Variants in KLF12 observed in about 807,000 individuals in gnomAD.
The protein encoded by KLF12 is KLF transcription factor 12, also known as Krueppel-like factor 12.
KLF12 carries 9 observed loss-of-function variants against 37.8 expected under a neutral mutation model. The ratio of observed to expected loss-of-function variants is 0.24; its 90% confidence interval spans 0.14 to 0.42. The LOEUF (loss-of-function observed/expected upper bound fraction) is 0.42, where lower values mean the gene tolerates loss of function less well. KLF12 is among the 10% of genes least tolerant of loss of function. The probability of loss-of-function intolerance (pLI) is 1.00; values close to 1 mark genes in which losing one functional copy is unlikely to be tolerated. For synonymous variants in KLF12, 208 were observed against 202.1 expected (o/e 1.03, Z -0.25); for missense variants, 411 against 516.0 (o/e 0.80, Z 1.97).
At chr13:73,856,994 T>C (rs1427704201) in intron 3 of KLF12, among the ~76,000 whole-genome samples, 1 of 151,614 alleles carries the variant, frequency 6.6e-6, no homozygotes, top group Non-Finnish European at 1.5e-5. Flanking sequence ...TCTCAAAAAA[T>C]AAAATAAGAT....
intron 7 of KLF12, among the ~76,000 whole-genome samples, chr13:73,698,690 C>T (rs767914194): frequency 3.3e-5 from 5 of 152,180 alleles, no homozygotes; most frequent in Non-Finnish European, 7.4e-5. Flanking sequence ...TTTATTTACA[C>T]ATCATTCCGG....
At chr13:74,188,372 C>T in the KLF12 span, among the ~76,000 whole-genome samples, 2 of 151,944 alleles carry the variant, frequency 1.3e-5, no homozygotes, top group African/African-American at 4.8e-5. Context: ...AGAATTATAC[C>T]CCTTTGATGT....
intron 5 of KLF12, chr13:73,800,714 A>G (rs913964474): frequency 2.6e-5 from 4 of 152,106 alleles, no homozygotes; most frequent in African/African-American, 9.7e-5. Flanking sequence ...AATTAGAGTT[A>G]AAGCATTAAA....
Position 73,840,629 on chromosome 13 carries a change from T to G in KLF12, c.670+5198A>C, listed in dbSNP as rs560343401. On this transcript the variant is annotated intron_variant, in intron 4 of 7. Transcript: ENST00000377669. ...CCCATACTGCAATAGTCCCCTTTAC[T>G]AGTTCTTCCTAGTTCTGCTCCTTCC... Among the ~76,000 whole-genome samples the G allele has an allele frequency of 6.6e-5, 10 of 152,260 alleles. No individual in the cohort carries two copies. In the East Asian group the frequency reaches 1.9e-3, roughly 29 times the overall value.
intron 3 of KLF12, among the ~76,000 whole-genome samples, chr13:73,918,682 A>G (rs1888965078): frequency 6.6e-6 from 1 of 152,214 alleles, no homozygotes; most frequent in Non-Finnish European, 1.5e-5. Context: ...AAAATAAGAA[A>G]GGATGCCAGT....
the KLF12 span, among the ~76,000 whole-genome samples, chr13:74,155,353 T>C: frequency 2.4e-4 from 33 of 135,152 alleles, no homozygotes; most frequent in African/African-American, 8.3e-4. Context: ...TTTTCTTTCC[T>C]TTTGTTTTTG....
At chr13:73,905,416 G>C (rs1490665053) in intron 3 of KLF12, among the ~76,000 whole-genome samples, 1 of 151,906 alleles carries the variant, frequency 6.6e-6, no homozygotes, top group East Asian at 1.9e-4. Context: ...ACCTAGGCAA[G>C]TAATAGTACA....
At chr13:74,147,712 A>G in the KLF12 span, among the ~76,000 whole-genome samples, 2 of 151,842 alleles carry the variant, frequency 1.3e-5, no homozygotes, top group East Asian at 3.9e-4. Flanking sequence ...TTTTTTCCCT[A>G]AGAAAACAGA....
At chr13:73,778,561 C>T (rs1880768807) in intron 5 of KLF12, among the ~76,000 whole-genome samples, 1 of 152,074 alleles carries the variant, frequency 6.6e-6, no homozygotes, top group Admixed American at 6.5e-5. Context: ...GGTGAGGCCT[C>T]CCTGTGTTGC....
chr13:74,299,791 T>C, the KLF12 span, among the ~76,000 whole-genome samples: 5 of 152,148 alleles, frequency 3.3e-5, no homozygotes, highest in Non-Finnish European at 7.4e-5. Flanking sequence ...TCTCCTTTTT[T>C]AAGGCTCAAG....
At chr13:74,209,015 G>T in the KLF12 span, among the ~76,000 whole-genome samples, 30 of 152,088 alleles carry the variant, frequency 2.0e-4, no homozygotes, top group South Asian at 2.1e-3. Context: ...TCTCAATTCA[G>T]TTAAATCCGA....
chr13:74,192,245 G>A, the KLF12 span, among the ~76,000 whole-genome samples: 1 of 151,892 alleles, frequency 6.6e-6, no homozygotes. Context: ...GTTAGTTTAT[G>A]TTAAAAAATA....
intron 2 of KLF12, among the ~76,000 whole-genome samples, chr13:73,970,172 G>C (rs1370827195): frequency 1.3e-5 from 2 of 152,160 alleles, no homozygotes; most frequent in Non-Finnish European, 2.9e-5. Flanking sequence ...ACAGAGGGTA[G>C]AATCTGATAA....
chr13:74,153,888 T>C, the KLF12 span, among the ~76,000 whole-genome samples: 1 of 152,182 alleles, frequency 6.6e-6, no homozygotes, highest in Non-Finnish European at 1.5e-5. Flanking sequence ...GAAATGGTGA[T>C]GTTTTTGTTC....
chr13:74,286,856 G>A, the KLF12 span, among the ~76,000 whole-genome samples: 1 of 152,072 alleles, frequency 6.6e-6, no homozygotes, highest in Non-Finnish European at 1.5e-5. Context: ...TGAGTTTTAT[G>A]TCTCTGTCTG....
chr13:73,954,071 C>T (rs189485231), intron 2 of KLF12, among the ~76,000 whole-genome samples: 2,050 of 148,442 alleles, frequency 0.014, 25 homozygotes, highest in Middle Eastern at 0.067. Context: ...CTCCACCTCC[C>T]GGGTTCACAC....
intron 1 of KLF12, among the ~76,000 whole-genome samples, chr13:74,059,087 G>A (rs145804015): frequency 1.2e-3 from 189 of 152,240 alleles, no homozygotes; most frequent in African/African-American, 4.1e-3. Context: ...GTGGCCTTCA[G>A]GTTTCATCCA....
chr13:74,203,638 C>G, the KLF12 span, among the ~76,000 whole-genome samples: 1 of 152,034 alleles, frequency 6.6e-6, no homozygotes, highest in Non-Finnish European at 1.5e-5. Flanking sequence ...CTGTACTGAA[C>G]TTGGTGGAGG....
Position 73,824,383 on chromosome 13 carries a change from T to C in KLF12, c.671-11096A>G, listed in dbSNP as rs946950269. On this transcript the variant is annotated intron_variant, in intron 4 of 7. Transcript: ENST00000377669. ...CTTCTGGGACACTGGAAAGCAGATA[T>C]CTTAGATGTTGTATCTGTGAATGTC... Among the ~76,000 whole-genome samples, 8 of 152,064 alleles carry C rather than the reference T, an allele frequency of 5.3e-5. No individual in the cohort carries two copies. The South Asian group carries it at 1.0e-3, about 20-fold the overall frequency.
Sources: allele counts gnomAD v4.1 joint callset (sites outside exome capture counted in the v4.1 genomes callset), GRCh38; gene constraint gnomAD v4.1.1; transcripts MANE v1.5; gene names NCBI Gene and HGNC (gene_info 2026-07-23, HGNC 2026-07-21).